Variants in DISC1 observed in about 807,000 individuals in gnomAD.
DISC1 encodes the protein DISC1 scaffold protein, also known as disrupted in schizophrenia 1 protein.
In DISC1, 57 loss-of-function variants were observed where a neutral mutation model predicts 84.5. The observed-to-expected ratio is 0.67, with a 90% CI of 0.55 to 0.84. The LOEUF (loss-of-function observed/expected upper bound fraction) is 0.84, where lower values mean the gene tolerates loss of function less well. DISC1 is among the 40% of genes least tolerant of loss of function. The pLI is 0.00. For synonymous variants in DISC1, 411 were observed against 415.2 expected (o/e 0.99, Z 0.12); for missense variants, 1,000 against 1,057.8 (o/e 0.95, Z 0.76).
At chr1:231,868,693 TATATATA>T (rs2085231963) in intron 9 of DISC1, among the ~76,000 whole-genome samples, 1 of 658 alleles carries the variant, frequency 1.5e-3, no homozygotes, top group Non-Finnish European at 2.4e-3. Context: ...CCCCATCTCT[TATATATA>T]TATATATATA....
intron 12 of DISC1, among the ~76,000 whole-genome samples, chr1:232,027,433 T>C (rs1163975126): frequency 6.6e-6 from 1 of 152,202 alleles, no homozygotes; most frequent in African/African-American, 2.4e-5. Context: ...TACAAACACC[T>C]TCATCAAAAC....
chr1:232,034,152 A>G (rs1309348849), intron 12 of DISC1, among the ~76,000 whole-genome samples: 1 of 152,152 alleles, frequency 6.6e-6, no homozygotes, highest in Non-Finnish European at 1.5e-5. Flanking sequence ...TTTGATGATT[A>G]TTACCCCTAC....
intron 3 of DISC1, among the ~76,000 whole-genome samples, chr1:231,742,850 C>T (rs2073479235): frequency 6.6e-6 from 1 of 152,120 alleles, no homozygotes; most frequent in African/African-American, 2.4e-5. Context: ...TTGGAGGCTG[C>T]CACTGCATTC....
chr1:231,925,938 G>C (rs920419187), intron 9 of DISC1: 2 of 152,144 alleles, frequency 1.3e-5, no homozygotes, highest in Admixed American at 6.5e-5. Context: ...CTGGCTGCTG[G>C]GACAATGACG....
chr1:231,857,714 C>G (rs1021628943), intron 9 of DISC1, among the ~76,000 whole-genome samples: 2 of 152,134 alleles, frequency 1.3e-5, no homozygotes, highest in African/African-American at 4.8e-5. Flanking sequence ...TGACTTTCTT[C>G]CGGAATCAGC....
Position 231,626,796 on chromosome 1 carries a change from C to T in DISC1, c.-72C>T. On this transcript the variant is annotated 5_prime_UTR_variant, in exon 1 of 13. Transcript: ENST00000439617. ...TCCCGTCCAGCGCGCTGCTCCCTTCCCCCCGCCTCTGGCCTCGGGGAAGGA... is the reference window on the plus strand; with the variant it reads ...TCCCGTCCAGCGCGCTGCTCCCTTCTCCCCGCCTCTGGCCTCGGGGAAGGA... 1 of 1,190,458 alleles carries T rather than the reference C, an allele frequency of 8.4e-7. No homozygotes were observed. Among genetic ancestry groups the T allele is most frequent in the South Asian group, 1.8e-5 (1 of 55,744 alleles). The allele number at this position is 1,190,458 out of a possible 1,614,324, so 73.7% of individuals were successfully genotyped here. A position where few individuals can be genotyped will look rare whatever the true frequency, so the allele number is the denominator to read the frequency against.
intron 3 of DISC1, among the ~76,000 whole-genome samples, chr1:231,705,898 G>T (rs1287582406): frequency 1.3e-5 from 2 of 152,088 alleles, no homozygotes; most frequent in Admixed American, 6.5e-5. Context: ...AGAAATGAGA[G>T]GGTGACCTTA....
intron 11 of DISC1, among the ~76,000 whole-genome samples, chr1:232,010,012 G>A (rs1667887489): frequency 6.6e-6 from 1 of 152,202 alleles, no homozygotes; most frequent in African/African-American, 2.4e-5. Flanking sequence ...CCCATCTGCA[G>A]GACCATGGCC....
At chr1:231,762,705 C>G (rs2075854198) in intron 4 of DISC1, among the ~76,000 whole-genome samples, 1 of 151,758 alleles carries the variant, frequency 6.6e-6, no homozygotes, top group Non-Finnish European at 1.5e-5. Context: ...GTTCATTTTC[C>G]CGATACAAAC....
intron 7 of DISC1, among the ~76,000 whole-genome samples, chr1:231,797,462 G>A (rs2078847321): frequency 6.6e-6 from 1 of 152,138 alleles, no homozygotes; most frequent in Non-Finnish European, 1.5e-5. Flanking sequence ...TAGGGTTCCA[G>A]CATGGCTAAG....
chr1:231,935,455 C>G (rs2090926217), intron 9 of DISC1, among the ~76,000 whole-genome samples: 1 of 152,152 alleles, frequency 6.6e-6, no homozygotes, highest in Non-Finnish European at 1.5e-5. Context: ...TACAAATGTA[C>G]ATATTGTCCT....
intron 9 of DISC1, among the ~76,000 whole-genome samples, chr1:231,821,980 C>G (rs892879867): frequency 6.6e-6 from 1 of 152,072 alleles, no homozygotes; most frequent in African/African-American, 2.4e-5. Context: ...GAATTACAAG[C>G]GTGAGCCACC....
chr1:231,667,712 C>G (rs1214662930), intron 1 of DISC1, among the ~76,000 whole-genome samples: 1 of 152,118 alleles, frequency 6.6e-6, no homozygotes, highest in African/African-American at 2.4e-5. Context: ...TGAATTATCT[C>G]AAGGACAGAA....
At chr1:231,915,366 GT>G (rs2089542430) in intron 9 of DISC1, among the ~76,000 whole-genome samples, 1 of 152,194 alleles carries the variant, frequency 6.6e-6, no homozygotes, top group African/African-American at 2.4e-5. Flanking sequence ...ACATCTGAAT[GT>G]TGTCCCTTAA....
chr1:231,899,610 G>A (rs1044220136), intron 9 of DISC1, among the ~76,000 whole-genome samples: 3 of 152,078 alleles, frequency 2.0e-5, no homozygotes, highest in African/African-American at 4.8e-5. Context: ...CTCCCTTCCC[G>A]ATCAAAGCCT....
chr1:231,992,142 A>G (rs1032910488), intron 10 of DISC1, among the ~76,000 whole-genome samples: 2 of 152,206 alleles, frequency 1.3e-5, no homozygotes, highest in African/African-American at 2.4e-5. Context: ...ATAGCTAGTG[A>G]AAAGGACATG....
chr1:231,956,899 G>T (rs1051008420), intron 9 of DISC1, among the ~76,000 whole-genome samples: 1 of 152,176 alleles, frequency 6.6e-6, no homozygotes, highest in Non-Finnish European at 1.5e-5. Flanking sequence ...TCACAAAATG[G>T]TGGCTGGGTT....
At chr1:231,685,063 G>C (rs867360345) in intron 1 of DISC1, 1 of 152,246 alleles carries the variant, frequency 6.6e-6, no homozygotes, top group Non-Finnish European at 1.5e-5. Flanking sequence ...GATGGTATCC[G>C]TTGGTGAATG....
intron 9 of DISC1, among the ~76,000 whole-genome samples, chr1:231,958,302 G>C (rs571828460): frequency 6.6e-6 from 1 of 152,356 alleles, no homozygotes; most frequent in South Asian, 2.1e-4. Flanking sequence ...TCAAAGAGTA[G>C]CTGATCTCAT....
Sources: allele counts gnomAD v4.1 joint callset (sites outside exome capture counted in the v4.1 genomes callset), GRCh38; gene constraint gnomAD v4.1.1; transcripts MANE v1.5; gene names NCBI Gene and HGNC (gene_info 2026-07-23, HGNC 2026-07-21).